Variants in WDR70 observed in about 807,000 individuals in gnomAD.
WDR70 encodes the protein WD repeat domain 70.
In WDR70, 53 loss-of-function variants were observed where a neutral mutation model predicts 88.6. The ratio of observed to expected loss-of-function variants is 0.60; its 90% CI spans 0.48 to 0.75. The LOEUF (loss-of-function observed/expected upper bound fraction) is 0.75, where lower values mean the gene tolerates loss of function less well. WDR70 is among the 30% of genes least tolerant of loss of function. The pLI is 0.00. For synonymous variants in WDR70, 280 were observed against 270.0 expected, an observed-to-expected ratio of 1.04 and a Z score of -0.36; for missense variants, 610 against 823.2, an observed-to-expected ratio of 0.74 and a Z score of 3.17.
intron 10 of WDR70, among the ~76,000 whole-genome samples, chr5:37,655,964 C>T (rs1434887787): frequency 6.6e-6 from 1 of 152,042 alleles, no homozygotes; most frequent in Non-Finnish European, 1.5e-5. Context: ...TATTCTCCAT[C>T]CAGTTCTGTT....
chr5:37,680,857 C>G (rs1398433969), intron 10 of WDR70, among the ~76,000 whole-genome samples: 1 of 152,110 alleles, frequency 6.6e-6, no homozygotes, highest in Admixed American at 6.6e-5. Context: ...GTTCTTTTTG[C>G]TTAGGATTGC....
intron 8 of WDR70, among the ~76,000 whole-genome samples, chr5:37,481,159 C>T (rs1174085109): frequency 1.3e-5 from 2 of 152,214 alleles, no homozygotes; most frequent in Admixed American, 6.5e-5. Context: ...GTGTTGGCAG[C>T]TTTTCCAGGC....
At chr5:37,431,079 C>A (rs888685615) in intron 5 of WDR70, among the ~76,000 whole-genome samples, 3 of 152,112 alleles carry the variant, frequency 2.0e-5, no homozygotes, top group East Asian at 3.9e-4. Flanking sequence ...GTCTGGAACT[C>A]CTGACCTTAG....
chr5:37,381,718 T>C, intron 3 of WDR70, 33 bp downstream of exon 3: 1 of 1,591,022 alleles, frequency 6.3e-7, no homozygotes, highest in South Asian at 1.1e-5. Context: ...CTTTTATTGG[T>C]TTAAGTACTA....
At chr5:37,399,271 C>CT (rs1283293118) in intron 5 of WDR70, among the ~76,000 whole-genome samples, 1 of 152,104 alleles carries the variant, frequency 6.6e-6, no homozygotes, top group Non-Finnish European at 1.5e-5. Flanking sequence ...GAGCGAGACT[C>CT]TGTCTCACAC....
At chr5:37,619,693 A>G (rs1040710296) in intron 10 of WDR70, among the ~76,000 whole-genome samples, 2 of 150,952 alleles carry the variant, frequency 1.3e-5, no homozygotes, top group Non-Finnish European at 1.5e-5. Flanking sequence ...ACCAGTGATG[A>G]TTTGCACTCC....
rs150921931 is a variant in WDR70 at position 37,560,704 on chromosome 5, G to A, written c.917+44114G>A. Among the ~76,000 whole-genome samples the A allele has an allele frequency of 3.3e-5, 5 of 152,080 alleles. No individual in the cohort carries two copies. In the East Asian group the frequency reaches 9.7e-4, roughly 29 times the overall value. ...TAGGCCTCTTTGTTAGCAGCTAGAA[G>A]CTTTGTGACATTTGGAATCACTGGG... On this transcript the variant is annotated intron_variant, in intron 9 of 17. Coordinates refer to ENST00000265107, the MANE Select transcript of WDR70 (RefSeq NM_018034.4).
chr5:37,434,124 GAGAA>G (rs1750395816), intron 5 of WDR70, among the ~76,000 whole-genome samples: 1 of 152,160 alleles, frequency 6.6e-6, no homozygotes, highest in Non-Finnish European at 1.5e-5. Flanking sequence ...GAAGGCAAAG[GAGAA>G]ACACCTTCTT....
intron 10 of WDR70, among the ~76,000 whole-genome samples, chr5:37,607,781 A>G (rs1357357941): frequency 2.0e-5 from 3 of 152,178 alleles, no homozygotes; most frequent in African/African-American, 7.2e-5. Flanking sequence ...TGTTTGCCCA[A>G]GGTTCCTTTT....
intron 12 of WDR70, among the ~76,000 whole-genome samples, 171 bp downstream of exon 12, chr5:37,701,313 C>G (rs1170019002): frequency 6.6e-6 from 1 of 151,998 alleles, no homozygotes; most frequent in African/African-American, 2.4e-5. Flanking sequence ...TTTTCACATT[C>G]CTCAGACTTC....
chr5:37,583,095 G>A (rs540360284), intron 9 of WDR70, among the ~76,000 whole-genome samples: 6 of 152,130 alleles, frequency 3.9e-5, no homozygotes, highest in African/African-American at 1.2e-4. Flanking sequence ...CAGTTCTTCC[G>A]CCCGTACACA....
chr5:37,491,481 C>G (rs1000616456), intron 8 of WDR70, among the ~76,000 whole-genome samples: 5 of 152,120 alleles, frequency 3.3e-5, no homozygotes, highest in African/African-American at 1.2e-4. Flanking sequence ...AATTCTCTGC[C>G]ATTTATTTTT....
At chr5:37,712,412 GGAA>G (rs1747540802) in intron 13 of WDR70, among the ~76,000 whole-genome samples, 1 of 152,132 alleles carries the variant, frequency 6.6e-6, no homozygotes, top group Admixed American at 6.5e-5. Context: ...GTTCATTAGA[GGAA>G]ACACAGATTT....
intron 10 of WDR70, among the ~76,000 whole-genome samples, chr5:37,636,010 T>A (rs1272997146): frequency 6.6e-6 from 1 of 152,200 alleles, no homozygotes; most frequent in Non-Finnish European, 1.5e-5. Flanking sequence ...GATTGTAAAT[T>A]TCCTGAGGCC....
chr5:37,583,023 T>A (rs1249053501), intron 9 of WDR70, among the ~76,000 whole-genome samples: 2 of 152,254 alleles, frequency 1.3e-5, no homozygotes, highest in East Asian at 3.8e-4. Flanking sequence ...CTTTTCTGGA[T>A]CTACTTTATT....
chr5:37,540,103 T>C (rs984341623), intron 9 of WDR70, among the ~76,000 whole-genome samples: 16 of 152,222 alleles, frequency 1.1e-4, no homozygotes, highest in Non-Finnish European at 2.4e-4. Context: ...CCATTTAAAA[T>C]TTAAGCCTAC....
At chr5:37,496,196 T>C (rs1362885925) in intron 8 of WDR70, among the ~76,000 whole-genome samples, 3 of 152,316 alleles carry the variant, frequency 2.0e-5, no homozygotes, top group East Asian at 3.9e-4. Context: ...ATCAGCAGGA[T>C]GTGGGCAGGG....
chr5:37,676,951 G>T (rs1746244396), intron 10 of WDR70, among the ~76,000 whole-genome samples: 1 of 151,892 alleles, frequency 6.6e-6, no homozygotes, highest in African/African-American at 2.4e-5. Context: ...CTTCTTCCTG[G>T]TTTAGTCTTG....
intron 16 of WDR70, 46 bp from the exon 17 acceptor site, chr5:37,726,837 T>G (rs1287091275): frequency 6.5e-7 from 1 of 1,550,376 alleles, no homozygotes; most frequent in East Asian, 2.3e-5. Flanking sequence ...CTATGTATCC[T>G]CATGCTCATT....
Sources: allele counts gnomAD v4.1 joint callset (sites outside exome capture counted in the v4.1 genomes callset), GRCh38; gene constraint gnomAD v4.1.1; transcripts MANE v1.5; gene names NCBI Gene and HGNC (gene_info 2026-07-23, HGNC 2026-07-21).